BFSP2: variants seen among roughly 807,000 people sequenced by gnomAD.
BFSP2 encodes the protein beaded filament structural protein 2, also known as phakinin.
BFSP2 carries 38 observed loss-of-function variants against 44.9 expected under a neutral mutation model. That is an observed-to-expected ratio of 0.85 (90% confidence interval 0.65 to 1.11). The LOEUF is 1.11. BFSP2 is among the 50% of genes least tolerant of loss of function. The pLI is 0.00. For missense variants in BFSP2, 525 were observed against 533.0 expected, an observed-to-expected ratio of 0.99 and a Z score of 0.15; for synonymous variants, 197 against 209.9, an observed-to-expected ratio of 0.94 and a Z score of 0.53.
At chr3:133,423,287 C>T (rs1374544903) in intron 1 of BFSP2, among the ~76,000 whole-genome samples, 1 of 152,152 alleles carries the variant, frequency 6.6e-6, no homozygotes, top group Admixed American at 6.5e-5. Flanking sequence ...CATTGACTGG[C>T]TTTGTGACCC....
At chr3:133,432,973 A>G (rs2073740563) in intron 1 of BFSP2, among the ~76,000 whole-genome samples, 2 of 152,288 alleles carry the variant, frequency 1.3e-5, no homozygotes, top group African/African-American at 4.8e-5. Context: ...GGCCCTCAAA[A>G]TCACAAACTA....
chr3:133,473,370 T>C (rs1417536579), intron 6 of BFSP2, among the ~76,000 whole-genome samples: 1 of 139,006 alleles, frequency 7.2e-6, no homozygotes, highest in Non-Finnish European at 1.5e-5. Context: ...ATGGTTACCA[T>C]ATGCCAGCCA....
At chr3:133,440,917 T>C (rs1455183596) in intron 1 of BFSP2, among the ~76,000 whole-genome samples, 2 of 152,082 alleles carry the variant, frequency 1.3e-5, no homozygotes, top group African/African-American at 4.8e-5. Flanking sequence ...CCCTCAGATG[T>C]CTCTCATTCT....
chr3:133,472,273 GCTCTGCACACCT>G lies in BFSP2; in HGVS notation c.1024-70_1024-59del, dbSNP rs953872659. 3.3e-6 allele frequency: 5 copies of G among 1,505,542 alleles called. No homozygotes were observed. In the African/African-American group the frequency reaches 6.9e-5, roughly 21 times the overall value. 93.3% of individuals were successfully genotyped at this position (1,505,542 alleles called of 1,614,324 possible). A position where few individuals can be genotyped will look rare whatever the true frequency, so the allele number is the denominator to read the frequency against. On this transcript the variant is annotated intron_variant, in intron 5 of 6. Coordinates refer to ENST00000302334, the MANE Select transcript of BFSP2 (RefSeq NM_003571.4). Reference sequence around the variant, plus strand: ...CAGGCTACCACCAGCCCCTGCCACTGCTCTGCACACCTCCCTCTTCAAGGGCCCGGCCTGTTG... The same window carrying G: ...CAGGCTACCACCAGCCCCTGCCACTGCCCTCTTCAAGGGCCCGGCCTGTTG...
chr3:133,450,001 G>GGAAGGAAGGAAA (rs1559976105), intron 3 of BFSP2, among the ~76,000 whole-genome samples: 1 of 120,228 alleles, frequency 8.3e-6, no homozygotes, highest in Non-Finnish European at 1.7e-5. Flanking sequence ...AAGGAAGGAA[G>GGAAGGAAGGAAA]GAAGGAAGGA....
intron 4 of BFSP2, among the ~76,000 whole-genome samples, chr3:133,458,722 CACAG>C (rs1470590365): frequency 6.6e-6 from 1 of 151,830 alleles, no homozygotes; most frequent in African/African-American, 2.4e-5. Flanking sequence ...AACAAAAAAA[CACAG>C]ACATTGTAGA....
chr3:133,449,969 G>GAA (rs1444219965), intron 3 of BFSP2, among the ~76,000 whole-genome samples: 1 of 108,454 alleles, frequency 9.2e-6, no homozygotes, highest in African/African-American at 3.6e-5. Flanking sequence ...GAAAGAGAAA[G>GAA]AAGGAAAGAA....
intron 4 of BFSP2, chr3:133,455,704 G>A (rs974199996): frequency 1.3e-5 from 2 of 152,176 alleles, no homozygotes; most frequent in African/African-American, 4.8e-5. Flanking sequence ...GTTGAGCAGA[G>A]AACTAAAACT....
rs767108645 is a variant in BFSP2 at position 133,450,379 on chromosome 3, A to G, written c.806A>G (p.Asp269Gly). 1.7e-5 allele frequency: 27 copies of G among 1,614,142 alleles called. No homozygotes were observed. The highest frequency in any genetic ancestry group is 1.6e-4 in the South Asian group (15 of 91,084). The change falls in exon 4 of 7, where the codon GAC (aspartate) becomes GGC (glycine). Residue 269 changes from aspartate to glycine, a missense_variant. Physicochemically the swap from Asp to Gly is moderately conservative, Grantham distance 94 (BLOSUM62 -1). Coordinates refer to ENST00000302334, the MANE Select transcript of BFSP2 (RefSeq NM_003571.4). The part of the protein sequence containing the change: ...QMDAPIGTGL[D>G]DILETIRIQW... ...GATGCTCCCATTGGCACTGGTCTGGACGACATCCTTGAGACGATCAGAATT... is the reference window on the plus strand; with the variant it reads ...GATGCTCCCATTGGCACTGGTCTGGGCGACATCCTTGAGACGATCAGAATT...
At chr3:133,431,775 G>A (rs976261745) in intron 1 of BFSP2, among the ~76,000 whole-genome samples, 4 of 152,104 alleles carry the variant, frequency 2.6e-5, no homozygotes, top group Non-Finnish European at 5.9e-5. Context: ...GGTATTGACA[G>A]CCAGGCTTCT....
chr3:133,450,363 A>G lies in BFSP2; in HGVS notation c.790A>G (p.Ile264Val), dbSNP rs149735452. ...GCELEQMDAPIGTGLDDILET... is the reference protein window; with the variant it reads ...GCELEQMDAPVGTGLDDILET... The stretch of plus-strand genomic sequence containing the variant: ...TGAGCTGGAACAAATGGATGCTCCC[A>G]TTGGCACTGGTCTGGACGACATCCT... The change falls in exon 4 of 7, where the codon ATT becomes GTT. Residue 264 changes from isoleucine to valine, a missense_variant. Physicochemically the swap from Ile to Val is conservative, Grantham distance 29. Coordinates refer to ENST00000302334, the MANE Select transcript of BFSP2 (RefSeq NM_003571.4). The G allele has an allele frequency of 8.1e-5, 130 of 1,614,074 alleles. No individual in the cohort carries two copies. The highest frequency in any genetic ancestry group is 1.7e-5 in the Non-Finnish European group (20 of 1,180,048).
chr3:133,429,275 A>G (rs2073684532), intron 1 of BFSP2: 1 of 152,230 alleles, frequency 6.6e-6, no homozygotes, highest in South Asian at 2.1e-4. Flanking sequence ...GGGAAACATA[A>G]CCATAGAATG....
In BFSP2 at chr3:133,450,288, T is replaced by G; in HGVS notation, c.730-15T>G. On this transcript the variant is annotated splice_polypyrimidine_tract_variant and intron_variant, in intron 3 of 6. Transcript: ENST00000302334. ...CCCCCCGTAACTCATCTAAGATGTA[T>G]ATTGTTGTTTTCAGGATGTGAAGCT... The G allele has an allele frequency of 6.2e-7, 1 of 1,614,004 alleles. No homozygotes were observed.
intron 1 of BFSP2, among the ~76,000 whole-genome samples, chr3:133,433,808 CTG>C (rs2073753616): frequency 2.0e-5 from 3 of 152,208 alleles, no homozygotes; most frequent in Admixed American, 2.0e-4. Context: ...TTAAAAAGGA[CTG>C]AACAATACTT....
chr3:133,470,032 CAA>C (rs2074147531), intron 5 of BFSP2, among the ~76,000 whole-genome samples: 1 of 152,164 alleles, frequency 6.6e-6, no homozygotes, highest in Admixed American at 6.5e-5. Context: ...CATGCATAAA[CAA>C]AGAGAGAAAA....
chr3:133,400,148 G>A lies in BFSP2; in HGVS notation c.65G>A (p.Arg22Lys), dbSNP rs760776260. The A allele has an allele frequency of 2.5e-6, 4 of 1,614,182 alleles. No homozygotes were observed. The highest frequency in any genetic ancestry group is 3.4e-6 in the Non-Finnish European group (4 of 1,180,040). The change falls in exon 1 of 7, where the codon AGG (arginine) becomes AAG (lysine). Residue 22 changes from arginine (R) to lysine (K), a missense_variant. Physicochemically the swap from Arg to Lys is conservative, Grantham distance 26 (BLOSUM62 2). Transcript: ENST00000302334. This position sits in a 1 kb window ranked among gnomAD's most constrained non-coding sequence, Gnocchi z 4.0. Reference sequence around the variant, plus strand: ...GCCAGCTCCAGCATGCCCCTCCAGAGGCGCAGGGCGTCCTTCAGGGGGCCA... The same window carrying A: ...GCCAGCTCCAGCATGCCCCTCCAGAAGCGCAGGGCGTCCTTCAGGGGGCCA... The part of the protein sequence containing the change: ...TSASSSMPLQ[R>K]RRASFRGPRS...
intron 4 of BFSP2, chr3:133,455,207 T>C (rs1273193623): frequency 6.6e-6 from 1 of 152,274 alleles, no homozygotes; most frequent in Admixed American, 6.5e-5. Flanking sequence ...TTACTATTGT[T>C]AGCAAGTGTT....
chr3:133,448,434 G>A, intron 2 of BFSP2, 55 bp from the exon 3 acceptor site: 1 of 1,601,880 alleles, frequency 6.2e-7, no homozygotes, highest in Non-Finnish European at 8.5e-7. Flanking sequence ...TTTATAATCT[G>A]ATTCTTTTTC....
intron 1 of BFSP2, among the ~76,000 whole-genome samples, chr3:133,401,579 T>C (rs1444355393): frequency 6.6e-6 from 1 of 152,134 alleles, no homozygotes; most frequent in Non-Finnish European, 1.5e-5. Context: ...CTGCAGCCTG[T>C]AGTTCTAATG....
Sources: allele counts gnomAD v4.1 joint callset (sites outside exome capture counted in the v4.1 genomes callset), GRCh38; gene constraint gnomAD v4.1.1; non-coding constraint Gnocchi (gnomAD v3.1); transcripts MANE v1.5; gene names NCBI Gene and HGNC (gene_info 2026-07-23, HGNC 2026-07-21).